NSD2: variants seen among roughly 807,000 people sequenced by gnomAD.
NSD2 encodes the protein histone-lysine N-methyltransferase NSD2.
A neutral mutation model predicts 139.0 loss-of-function variants in NSD2; 12 were observed. That is an observed-to-expected ratio of 0.09 (90% confidence interval 0.06 to 0.14). The LOEUF is 0.14. NSD2 is among the 10% of genes least tolerant of loss of function. The pLI, the probability that NSD2 is intolerant of heterozygous loss-of-function variation, is 1.00. For missense variants in NSD2, 1,155 were observed against 1,745.0 expected (o/e 0.66, Z 6.02); for synonymous variants, 669 against 648.7 (o/e 1.03, Z -0.48).
intron 1 of NSD2, among the ~76,000 whole-genome samples, chr4:1,891,565 C>T (rs1436664809): frequency 6.6e-6 from 1 of 151,894 alleles, no homozygotes; most frequent in Non-Finnish European, 1.5e-5. Context: ...TTAAAGCTCC[C>T]CAGAGAACCG....
chr4:1,955,241 G>T lies in NSD2; in HGVS notation c.2419G>T (p.Ala807Ser). ...TCTGGCAGCAGGATGCTCAGTGATC[G>T]CCTCCAACAGCATCATCTGCACTGC... ...ACLAAGCSVI[A>S]SNSIICTAHF... The change falls in exon 13 of 22, where the codon GCC (alanine) becomes TCC (serine). Residue 807 changes from alanine to serine, a missense_variant. By Grantham distance (99) the Ala-to-Ser change is moderately conservative (BLOSUM62 1). Around this residue, in one of 8 missense-constraint regions of NSD2, gnomAD observed 120 missense variants for 239.3 expected, o/e 0.50. Transcript: ENST00000508803. The surrounding 1 kb of genome is among the most constrained non-coding windows in gnomAD (Gnocchi z 4.7). The T allele has an allele frequency of 6.2e-7, 1 of 1,614,090 alleles. No homozygotes were observed. Among genetic ancestry groups the T allele is most frequent in the Non-Finnish European group, 8.5e-7 (1 of 1,179,996 alleles).
rs546029060 is a variant in NSD2, at chr4:1,953,626, G to A, written c.2338+102G>A. 12 of 1,404,978 alleles carry A rather than the reference G, an allele frequency of 8.5e-6. No homozygotes were observed. The South Asian group carries it at 1.7e-4, about 20-fold the overall frequency. The allele number at this position is 1,404,978 out of a possible 1,614,324, so 87.0% of individuals were successfully genotyped here. On this transcript the variant is annotated intron_variant, in intron 12 of 21. Transcript: ENST00000508803. Reference sequence around the variant, plus strand: ...GGGCTGTTGGGATTGTCACCAAAGAGCATTAATTATCTTGAGTGACTAACT... The same window carrying A: ...GGGCTGTTGGGATTGTCACCAAAGAACATTAATTATCTTGAGTGACTAACT...
intron 7 of NSD2, among the ~76,000 whole-genome samples, chr4:1,936,420 C>G (rs772384561): frequency 1.3e-5 from 2 of 152,060 alleles, no homozygotes; most frequent in Non-Finnish European, 2.9e-5. Context: ...CCTGTAATCC[C>G]AGCACTTTGG....
rs1311533147 is a variant in NSD2 at position 1,979,107 on chromosome 4, G to A, written c.*198G>A. ...GTCCGCTGCGTCTGCACTGATGACC[G>A]TCTGAGCCCAGCTCAGCGTTCCTGG... On this transcript the variant is annotated 3_prime_UTR_variant, in exon 22 of 22. Coordinates refer to ENST00000508803, the MANE Select transcript of NSD2 (RefSeq NM_001042424.3). 6 of 539,828 alleles carry A rather than the reference G, an allele frequency of 1.1e-5. No individual in the cohort carries two copies. Among genetic ancestry groups the A allele is most frequent in the African/African-American group, 2.0e-5 (1 of 51,266 alleles). 33.4% of individuals were successfully genotyped at this position (539,828 alleles called of 1,614,324 possible).
chr4:1,955,112 G>T lies in NSD2; in HGVS notation c.2339-49G>T. ...AATTATTAGTTGCTCTTTTCACTAT[G>T]ACTGGAGTCAGTGTTTGGGGTCCTT... On this transcript the variant is annotated intron_variant, in intron 12 of 21. Transcript: ENST00000508803. This position sits in a 1 kb window ranked among gnomAD's most constrained non-coding sequence, Gnocchi z 4.7. 1 of 1,542,722 alleles carries T rather than the reference G, an allele frequency of 6.5e-7. No individual in the cohort carries two copies. Among genetic ancestry groups the T allele is most frequent in the South Asian group, 1.2e-5 (1 of 84,046 alleles).
At chr4:1,878,749 A>G (rs901050578) in intron 1 of NSD2, among the ~76,000 whole-genome samples, 1 of 152,170 alleles carries the variant, frequency 6.6e-6, no homozygotes, top group African/African-American at 2.4e-5. Context: ...GTGGAGGGCC[A>G]TGGGCTGGTG....
At chr4:1,922,549 A>G (rs1720290148) in intron 5 of NSD2, among the ~76,000 whole-genome samples, 1 of 152,208 alleles carries the variant, frequency 6.6e-6, no homozygotes, top group African/African-American at 2.4e-5. Context: ...TGCCCTTTGT[A>G]AGTGGATGCT....
chr4:1,905,001 A>G (rs925099733), intron 3 of NSD2, among the ~76,000 whole-genome samples: 1 of 152,120 alleles, frequency 6.6e-6, no homozygotes, highest in Non-Finnish European at 1.5e-5. Context: ...GTGGTGGTGC[A>G]CGCCTGTAAT....
At chr4:1,878,353 C>T (rs1483668234) in intron 1 of NSD2, among the ~76,000 whole-genome samples, 1 of 144,130 alleles carries the variant, frequency 6.9e-6, no homozygotes, top group Non-Finnish European at 1.5e-5. Flanking sequence ...AGTGATCTGC[C>T]TGTCTTGGCC....
chr4:1,941,176 A>G (rs1723055746), intron 9 of NSD2: 1 of 1,054,220 alleles, frequency 9.5e-7, no homozygotes. Flanking sequence ...TTAAAATCTT[A>G]GAAAATTAAA....
At chr4:1,957,245 CTT>C (rs1216402778) in intron 15 of NSD2, among the ~76,000 whole-genome samples, 2 of 151,568 alleles carry the variant, frequency 1.3e-5, no homozygotes, top group Non-Finnish European at 2.9e-5. Context: ...CTCAGAACCC[CTT>C]TTGTTTCGAG....
intron 1 of NSD2, among the ~76,000 whole-genome samples, chr4:1,891,881 AC>A (rs1262927691): frequency 3.3e-5 from 5 of 150,244 alleles, no homozygotes; most frequent in African/African-American, 9.9e-5. Flanking sequence ...ACAAAAAAAA[AC>A]AAACAAAAAC....
chr4:1,967,080 G>A (rs1725965574), intron 18 of NSD2, among the ~76,000 whole-genome samples: 1 of 152,152 alleles, frequency 6.6e-6, no homozygotes, highest in African/African-American at 2.4e-5. Flanking sequence ...AATCAGAACT[G>A]GGTGTGTGAA....
chr4:1,915,996 C>T (rs185495768), intron 3 of NSD2, among the ~76,000 whole-genome samples: 5 of 152,146 alleles, frequency 3.3e-5, no homozygotes, highest in South Asian at 4.2e-4. Context: ...ATTTTGGGCC[C>T]GTCTCTTTCT....
intron 9 of NSD2, chr4:1,945,766 G>T: frequency 9.4e-7 from 1 of 1,064,138 alleles, no homozygotes; most frequent in Non-Finnish European, 1.1e-6. Context: ...CAGTCACTGC[G>T]TCTGGGCCTG....
At chr4:1,969,621 C>T (rs956410945) in intron 18 of NSD2, among the ~76,000 whole-genome samples, 1 of 151,872 alleles carries the variant, frequency 6.6e-6, no homozygotes. Context: ...GTGGGAGTAT[C>T]GCTTGAGCCC....
intron 3 of NSD2, among the ~76,000 whole-genome samples, chr4:1,905,104 T>C (rs182008601): frequency 5.3e-5 from 8 of 152,076 alleles, no homozygotes; most frequent in African/African-American, 1.9e-4. Flanking sequence ...CACTCTAGTC[T>C]GGGCAACAAC....
chr4:1,940,453 A>G (rs1418506569), intron 9 of NSD2: 1 of 1,063,592 alleles, frequency 9.4e-7, no homozygotes. Flanking sequence ...TATCAAACCT[A>G]AATTTTTTGC....
Position 1,932,963 on chromosome 4 carries a change from C to A in NSD2, c.1556-2181C>A, listed in dbSNP as rs527440341. The stretch of plus-strand genomic sequence containing the variant: ...GAAGGCAGACCTGCCTGAGGGGGGC[C>A]TCGAGAGTTTGGCTGGCTGTGCCAT... On this transcript the variant is annotated intron_variant, in intron 6 of 21. Transcript: ENST00000508803. Among the ~76,000 whole-genome samples the A allele has an allele frequency of 2.9e-3, 445 of 152,314 alleles. 4 individuals are homozygous for A. The highest frequency in any genetic ancestry group is 6.6e-3 in the Admixed American group (101 of 15,298).
Sources: gnomAD v4.1 joint callset for allele counts (sites outside exome capture counted in the v4.1 genomes callset) on GRCh38, gnomAD v4.1.1 for gene constraint, gnomAD v4.1.1 regional missense constraint, Gnocchi (gnomAD v3.1) non-coding constraint, MANE v1.5 for transcripts, NCBI Gene and HGNC (gene_info 2026-07-23, HGNC 2026-07-21) for gene names.